HS6ST1: variants seen among roughly 807,000 people sequenced by gnomAD.
The protein encoded by HS6ST1 is heparan sulfate 6-O-sulfotransferase 1.
A neutral mutation model predicts 25.2 loss-of-function variants in HS6ST1; 3 were observed. The ratio of observed to expected loss-of-function variants is 0.12; its 90% CI spans 0.05 to 0.31. HS6ST1 has a LOEUF of 0.31. Ranked by LOEUF, HS6ST1 falls within the 10% of genes least tolerant of loss-of-function variation. HS6ST1 has a pLI of 1.00. For missense variants in HS6ST1, 310 were observed against 609.6 expected, an observed-to-expected ratio of 0.51 and a Z score of 5.18; for synonymous variants, 204 against 275.1, an observed-to-expected ratio of 0.74 and a Z score of 2.56.
intron 1 of HS6ST1, among the ~76,000 whole-genome samples, chr2:128,313,717 C>A (rs958743874): frequency 2.6e-5 from 4 of 152,104 alleles, no homozygotes; most frequent in African/African-American, 9.7e-5. Flanking sequence ...GATTCCCTGG[C>A]CCTAGGGACC....
intron 1 of HS6ST1, among the ~76,000 whole-genome samples, chr2:128,286,476 C>A (rs764591946): frequency 9.8e-5 from 15 of 152,350 alleles, no homozygotes; most frequent in Non-Finnish European, 1.3e-4. Context: ...CCAGACAAAC[C>A]TGCAGAGCAG....
intron 1 of HS6ST1, among the ~76,000 whole-genome samples, chr2:128,298,699 T>C (rs575197731): frequency 9.1e-4 from 138 of 152,172 alleles, no homozygotes; most frequent in African/African-American, 3.1e-3. Context: ...AGAGCTCAGT[T>C]TGGGAAGATG....
chr2:128,268,280 C>T lies in HS6ST1; in HGVS notation c.1118G>A (p.Arg373Lys), dbSNP rs1010716478. ...GTGCAGCAGACGCTCCTCGCGGCTCCTCAGGCGCTGCTCCCTGCGCTCCAG... is the reference window on the plus strand; with the variant it reads ...GTGCAGCAGACGCTCCTCGCGGCTCTTCAGGCGCTGCTCCCTGCGCTCCAG... ...RQLERREQRL[R>K]SREERLLHRA... The change falls in exon 2 of 2, where the codon AGG becomes AAG. Residue 373 changes from arginine (R) to lysine (K), a missense_variant. By Grantham distance (26) the Arg-to-Lys change is conservative. Transcript: ENST00000259241. 2.5e-6 allele frequency: 4 copies of T among 1,612,632 alleles called. No homozygotes were observed. The highest frequency in any genetic ancestry group is 3.4e-6 in the Non-Finnish European group (4 of 1,179,798).
rs532224240 is a variant in HS6ST1 at position 128,265,865 on chromosome 2, T to C, written c.*2297A>G. The C allele has an allele frequency of 6.6e-6, 1 of 152,204 alleles. No individual in the cohort carries two copies. The highest frequency in any genetic ancestry group is 2.1e-4 in the South Asian group (1 of 4,812). 9.4% of individuals were successfully genotyped at this position (152,204 alleles called of 1,614,324 possible). A position where few individuals can be genotyped will look rare whatever the true frequency, so the allele number is the denominator to read the frequency against. On this transcript the variant is annotated 3_prime_UTR_variant, in exon 2 of 2. Transcript: ENST00000259241. Reference sequence around the variant, plus strand: ...GACAGAGTCCTTACAATTTAGGAGATGCTGCTGGCAAAGGAACTGTTGACC... The same window carrying C: ...GACAGAGTCCTTACAATTTAGGAGACGCTGCTGGCAAAGGAACTGTTGACC...
chr2:128,268,851 G>A lies in HS6ST1; in HGVS notation c.547C>T (p.Leu183=). ...RTPRKFYYIT[L]LRDPVSRYLS... Reference sequence around the variant, plus strand: ...TAGCGGGACACGGGGTCTCGTAGCAGGGTGATGTAGTAGAACTTCCTGCAA... The same window carrying A: ...TAGCGGGACACGGGGTCTCGTAGCAAGGTGATGTAGTAGAACTTCCTGCAA... Residue 183 remains leucine (L), a synonymous_variant, in exon 2 of 2, where the codon CTG becomes TTG. Transcript: ENST00000259241. The A allele has an allele frequency of 6.2e-7, 1 of 1,609,734 alleles. No homozygotes were observed. The highest frequency in any genetic ancestry group is 8.5e-7 in the Non-Finnish European group (1 of 1,179,842).
chr2:128,297,067 C>A (rs1213210167), intron 1 of HS6ST1, among the ~76,000 whole-genome samples: 1 of 151,986 alleles, frequency 6.6e-6, no homozygotes, highest in East Asian at 1.9e-4. Flanking sequence ...GTCTCAAAAA[C>A]AAACAAAAAA....
intron 1 of HS6ST1, among the ~76,000 whole-genome samples, chr2:128,275,271 T>C (rs1693676066): frequency 6.7e-6 from 1 of 148,926 alleles, no homozygotes; most frequent in African/African-American, 2.6e-5. Context: ...AATAAAAACG[T>C]GAGTTTTAAC....
chr2:128,312,095 C>T (rs149996355), intron 1 of HS6ST1, among the ~76,000 whole-genome samples: 1,624 of 152,368 alleles, frequency 0.011, 17 homozygotes, highest in South Asian at 0.018. Context: ...TGTGAAACTG[C>T]CCATGTCTGC....
At chr2:128,285,294 G>C (rs1288614461) in intron 1 of HS6ST1, among the ~76,000 whole-genome samples, 2 of 152,176 alleles carry the variant, frequency 1.3e-5, no homozygotes, top group Non-Finnish European at 2.9e-5. Context: ...TGGAGGAGGG[G>C]AGAATAAGGC....
chr2:128,268,252 C>T lies in HS6ST1; in HGVS notation c.1146G>A (p.Arg382=). 6.2e-7 allele frequency: 1 copy of T among 1,611,552 alleles called. No homozygotes were observed. Among genetic ancestry groups the T allele is most frequent in the Non-Finnish European group, 8.5e-7 (1 of 1,179,470 alleles). ...LRSREERLLH[R]AKEALPREDA... is the part of the protein sequence containing the mutation. ...CCTCCCGCGGCAGTGCCTCCTTGGC[C>T]CGGTGCAGCAGACGCTCCTCGCGGC... Residue 382 remains arginine (R), a synonymous_variant, in exon 2 of 2, where the codon CGG becomes CGA. Coordinates refer to ENST00000259241, the MANE Select transcript of HS6ST1 (RefSeq NM_004807.3).
At chr2:128,291,635 C>T (rs1330461455) in intron 1 of HS6ST1, among the ~76,000 whole-genome samples, 2 of 152,224 alleles carry the variant, frequency 1.3e-5, no homozygotes, top group Non-Finnish European at 2.9e-5. Flanking sequence ...CAAGGTGGAC[C>T]TCAAGGGAGC....
intron 1 of HS6ST1, 90 bp downstream of exon 1, chr2:128,317,947 A>C (rs771887937): frequency 6.8e-6 from 9 of 1,324,690 alleles, no homozygotes; most frequent in Non-Finnish European, 6.7e-6. Context: ...GGGGGTAGGG[A>C]AGGCAGGGCC....
chr2:128,284,829 T>C (rs1366259268), intron 1 of HS6ST1, among the ~76,000 whole-genome samples: 2 of 151,926 alleles, frequency 1.3e-5, no homozygotes, highest in Admixed American at 6.6e-5. Flanking sequence ...CCCTGAGAGG[T>C]TGTGACTTTC....
chr2:128,277,287 G>T (rs1558869821), intron 1 of HS6ST1, among the ~76,000 whole-genome samples: 1 of 152,172 alleles, frequency 6.6e-6, no homozygotes, highest in East Asian at 1.9e-4. Context: ...CCTAAGCTGC[G>T]GTCCTGCTGC....
At position 128,318,320 on chromosome 2, in the gene HS6ST1, C is replaced by T. The variant is rs1180961304; in HGVS notation, c.244G>A (p.Asp82Asn). Residue 82 changes from aspartate to asparagine, a missense_variant, in exon 1 of 2, where the codon GAC (aspartate) becomes AAC (asparagine). Around this residue, in one of 5 missense-constraint regions of HS6ST1, gnomAD observed 9 missense variants for 27.4 expected, o/e 0.33. Coordinates refer to ENST00000259241, the MANE Select transcript of HS6ST1 (RefSeq NM_004807.3). The surrounding 1 kb of genome is among the most constrained non-coding windows in gnomAD (Gnocchi z 5.7). ...VRELERSLRFDMKGDDVIVFL... is the reference protein window; with the variant it reads ...VRELERSLRFNMKGDDVIVFL... Reference sequence around the variant, plus strand: ...ACGATCACGTCGTCGCCCTTCATGTCGAAGCGCAGCGAGCGCTCCAGCTCG... The same window carrying T: ...ACGATCACGTCGTCGCCCTTCATGTTGAAGCGCAGCGAGCGCTCCAGCTCG... 5 of 1,611,584 alleles carry T rather than the reference C, an allele frequency of 3.1e-6. No homozygotes were observed. Among genetic ancestry groups the T allele is most frequent in the Middle Eastern group, 1.7e-4 (1 of 5,878 alleles).
chr2:128,313,372 G>A (rs1231897440), intron 1 of HS6ST1, among the ~76,000 whole-genome samples: 1 of 152,170 alleles, frequency 6.6e-6, no homozygotes, highest in Non-Finnish European at 1.5e-5. Context: ...TCAGAGCGGA[G>A]CAGCTGCAGC....
At chr2:128,280,853 C>A (rs375462098) in intron 1 of HS6ST1, among the ~76,000 whole-genome samples, 1 of 152,228 alleles carries the variant, frequency 6.6e-6, no homozygotes, top group Non-Finnish European at 1.5e-5. Flanking sequence ...TTCCAGAGAG[C>A]CCCCTCTTGC....
chr2:128,309,233 G>A (rs2104935869), intron 1 of HS6ST1, among the ~76,000 whole-genome samples: 2 of 152,352 alleles, frequency 1.3e-5, no homozygotes, highest in South Asian at 4.1e-4. Flanking sequence ...TTGCTGTGGA[G>A]GGTGAAGGAT....
intron 1 of HS6ST1, among the ~76,000 whole-genome samples, chr2:128,279,474 T>C (rs999313685): frequency 6.6e-6 from 1 of 151,982 alleles, no homozygotes; most frequent in African/African-American, 2.4e-5. Flanking sequence ...GCCTGTCACA[T>C]TCTAGCCCCC....
Sources: allele counts gnomAD v4.1 joint callset (sites outside exome capture counted in the v4.1 genomes callset), GRCh38; gene constraint gnomAD v4.1.1; regional missense constraint gnomAD v4.1.1; non-coding constraint Gnocchi (gnomAD v3.1); transcripts MANE v1.5; gene names NCBI Gene and HGNC (gene_info 2026-07-23, HGNC 2026-07-21).